PHACTR2: variants seen among roughly 807,000 people sequenced by gnomAD.
PHACTR2 encodes chromosome 6 open reading frame 56.
A neutral mutation model predicts 76.0 loss-of-function variants in PHACTR2; 30 were observed. That is an observed-to-expected ratio of 0.39 (90% CI 0.30 to 0.54). PHACTR2 has a LOEUF of 0.54. PHACTR2 is among the 20% of genes least tolerant of loss of function. The pLI, the probability that PHACTR2 is intolerant of heterozygous loss-of-function variation, is 0.61. For missense variants in PHACTR2, 696 were observed against 781.1 expected, an observed-to-expected ratio of 0.89 and a Z score of 1.30; for synonymous variants, 292 against 292.5, an observed-to-expected ratio of 1.00 and a Z score of 0.02.
chr6:143,554,910 C>T lies in PHACTR2; in HGVS notation c.217+17703C>T, dbSNP rs1349596134. On this transcript the variant is annotated intron_variant, in intron 1 of 11. Coordinates refer to the PHACTR2 transcript ENST00000367584. The surrounding 1 kb of genome is among the most constrained non-coding windows in gnomAD (Gnocchi z 5.9). ...TTCCTGTTGCATTATTTTCTTAACT[C>T]TTGGTGTGTTGAGTTGATAAATAAT... 6.6e-6 allele frequency: 1 copy of T among 151,972 alleles called. No homozygotes were observed. The highest frequency in any genetic ancestry group is 1.5e-5 in the Non-Finnish European group (1 of 68,018). The allele number at this position is 151,972 out of a possible 1,614,324, so 9.4% of individuals were successfully genotyped here. A position where few individuals can be genotyped will look rare whatever the true frequency, so the allele number is the denominator to read the frequency against.
Position 143,750,907 on chromosome 6 carries a change from G to A in PHACTR2, c.295+1842G>A, listed in dbSNP as rs902982720. 1.3e-5 allele frequency among the ~76,000 whole-genome samples: 2 copies of A among 152,106 alleles called. No individual in the cohort carries two copies. The highest frequency in any genetic ancestry group is 2.4e-5 in the African/African-American group (1 of 41,398). Reference sequence around the variant, plus strand: ...AGATTTTACTTTCCAGCTTTTCCATGGTCCCTATCTAGAACCGTAGAAATT... The same window carrying A: ...AGATTTTACTTTCCAGCTTTTCCATAGTCCCTATCTAGAACCGTAGAAATT... On this transcript the variant is annotated intron_variant, in intron 3 of 12. Coordinates refer to ENST00000440869, the MANE Select transcript of PHACTR2 (RefSeq NM_001100164.2). The surrounding 1 kb of genome is among the most constrained non-coding windows in gnomAD (Gnocchi z 4.6).
In PHACTR2 at chr6:143,712,446, C is replaced by T. The variant is rs1554221802; in HGVS notation, c.214+263C>T. On this transcript the variant is annotated intron_variant, in intron 2 of 12. Coordinates refer to ENST00000440869, the MANE Select transcript of PHACTR2 (RefSeq NM_001100164.2). ...TTATATAAAAAATGGATTGGTGAGGCGAGGGAGTGAAATAGTAGAAAATGA... is the reference window on the plus strand; with the variant it reads ...TTATATAAAAAATGGATTGGTGAGGTGAGGGAGTGAAATAGTAGAAAATGA... The T allele has an allele frequency of 3.2e-5, 5 of 158,636 alleles. 1 individual carries two copies. The highest frequency in any genetic ancestry group is 4.1e-4 in the South Asian group (2 of 4,868). The allele number at this position is 158,636 out of a possible 1,614,324, so 9.8% of individuals were successfully genotyped here. A position where few individuals can be genotyped will look rare whatever the true frequency, so the allele number is the denominator to read the frequency against.
At chr6:143,735,940 C>T (rs998075786) in intron 2 of PHACTR2, among the ~76,000 whole-genome samples, 3 of 152,060 alleles carry the variant, frequency 2.0e-5, no homozygotes, top group Admixed American at 6.5e-5. Flanking sequence ...TAGGATTAAA[C>T]TTAATATAGG....
chr6:143,683,325 A>T lies in PHACTR2; in HGVS notation c.46+5116A>T, dbSNP rs1777440766. ...GCCTGACTGCTTTAAACCAATGATT[A>T]TATGAATGAGAGGTATGTATTTTTT... On this transcript the variant is annotated intron_variant, in intron 1 of 12. Transcript: ENST00000440869. This position sits in a 1 kb window ranked among gnomAD's most constrained non-coding sequence, Gnocchi z 4.1. 1.3e-5 allele frequency among the ~76,000 whole-genome samples: 2 copies of T among 152,374 alleles called. No homozygotes were observed. The highest frequency in any genetic ancestry group is 3.4e-3 in the Middle Eastern group (1 of 294).
chr6:143,783,005 A>ATGTGTGTGTGTG lies in PHACTR2; in HGVS notation c.1646-194_1646-183dup, dbSNP rs144077213. 0.02 allele frequency among the ~76,000 whole-genome samples: 2,891 copies of ATGTGTGTGTGTG among 146,202 alleles called. 31 individuals carry two copies. Among genetic ancestry groups the ATGTGTGTGTGTG allele is most frequent in the Non-Finnish European group, 0.031 (2,026 of 66,400 alleles). ...AGCAAACCAGTCCTACAAAAAAAGC[A>ATGTGTGTGTGTG]TGTGTGTGTGTGTGTGTGTGTGTGT... On this transcript the variant is annotated intron_variant, in intron 9 of 12. Coordinates refer to ENST00000440869, the MANE Select transcript of PHACTR2 (RefSeq NM_001100164.2). The surrounding 1 kb of genome is among the most constrained non-coding windows in gnomAD (Gnocchi z 5.2).
intron 1 of PHACTR2, among the ~76,000 whole-genome samples, chr6:143,584,673 G>A (rs112045294): frequency 0.012 from 1,822 of 152,276 alleles, 42 homozygotes; most frequent in African/African-American, 0.042. Context: ...GAGCAAATGT[G>A]TATTGTCTAT....
chr6:143,758,430 A>C (rs1459062387), intron 4 of PHACTR2, among the ~76,000 whole-genome samples: 1 of 152,244 alleles, frequency 6.6e-6, no homozygotes, highest in Non-Finnish European at 1.5e-5. Context: ...AATAGACTTC[A>C]ACCATATGTC....
chr6:143,691,353 A>C (rs1777639073), intron 1 of PHACTR2, among the ~76,000 whole-genome samples: 2 of 152,192 alleles, frequency 1.3e-5, no homozygotes. Flanking sequence ...CAAAAGTTAC[A>C]AAATATCCAG....
At chr6:143,660,177 C>G (rs1019358413) in intron 1 of PHACTR2, among the ~76,000 whole-genome samples, 1 of 151,926 alleles carries the variant, frequency 6.6e-6, no homozygotes, top group African/African-American at 2.4e-5. Context: ...TCTCCTGGTA[C>G]CCACAGACCT....
In PHACTR2 at chr6:143,583,902, G is replaced by A. The variant is rs1290019014; in HGVS notation, c.217+46695G>A. Among the ~76,000 whole-genome samples, 3 of 152,206 alleles carry A rather than the reference G, an allele frequency of 2.0e-5. No homozygotes were observed. Among genetic ancestry groups the A allele is most frequent in the Admixed American group, 6.5e-5 (1 of 15,286 alleles). On this transcript the variant is annotated intron_variant, in intron 1 of 11. Coordinates refer to the PHACTR2 transcript ENST00000367584. The surrounding 1 kb of genome is among the most constrained non-coding windows in gnomAD (Gnocchi z 4.0). ...TCTGAGAGGTCTAGAGTGCTGGGAC[G>A]GTGTCTTATTTATCTCTACACTTTT...
chr6:143,687,113 T>C (rs1777543893), intron 1 of PHACTR2, among the ~76,000 whole-genome samples: 2 of 152,234 alleles, frequency 1.3e-5, no homozygotes, highest in East Asian at 3.8e-4. Flanking sequence ...AGAGAAAGAA[T>C]GTGAGCAAAA....
chr6:143,671,487 C>T lies in PHACTR2; in HGVS notation c.14-40529C>T, dbSNP rs565324601. Reference sequence around the variant, plus strand: ...TCTCAGTGAGGACAACTGTGAACACCACATGCCAGTCCAATCTCTCTTACT... The same window carrying T: ...TCTCAGTGAGGACAACTGTGAACACTACATGCCAGTCCAATCTCTCTTACT... On this transcript the variant is annotated intron_variant, in intron 1 of 11. Transcript: ENST00000305766. This position sits in a 1 kb window ranked among gnomAD's most constrained non-coding sequence, Gnocchi z 4.6. Among the ~76,000 whole-genome samples the T allele has an allele frequency of 1.3e-5, 2 of 152,278 alleles. No individual in the cohort carries two copies. The highest frequency in any genetic ancestry group is 4.8e-5 in the African/African-American group (2 of 41,550).
At chr6:143,609,962 G>A (rs1262660561) in intron 1 of PHACTR2, among the ~76,000 whole-genome samples, 1 of 152,130 alleles carries the variant, frequency 6.6e-6, no homozygotes, top group Non-Finnish European at 1.5e-5. Context: ...ATGAGTTTAA[G>A]ATTATTTAAA....
At chr6:143,721,670 T>C (rs1366306154) in intron 2 of PHACTR2, among the ~76,000 whole-genome samples, 2 of 152,166 alleles carry the variant, frequency 1.3e-5, no homozygotes, top group Non-Finnish European at 2.9e-5. Context: ...TGTGTGTGTG[T>C]GTGTATCTCC....
At position 143,558,733 on chromosome 6, in the gene PHACTR2, T is replaced by C. The variant is rs1259051315; in HGVS notation, c.217+21526T>C. Among the ~76,000 whole-genome samples, 1 of 152,214 alleles carries C rather than the reference T, an allele frequency of 6.6e-6. No individual in the cohort carries two copies. Among genetic ancestry groups the C allele is most frequent in the Non-Finnish European group, 1.5e-5 (1 of 68,038 alleles). On this transcript the variant is annotated intron_variant, in intron 1 of 11. Transcript: ENST00000367584. This position sits in a 1 kb window ranked among gnomAD's most constrained non-coding sequence, Gnocchi z 4.7. Reference sequence around the variant, plus strand: ...AGGAGGTAGAGATCGTTTTACAAAGTCGAGCTCATGCTCTTTGTTTCCCAA... The same window carrying C: ...AGGAGGTAGAGATCGTTTTACAAAGCCGAGCTCATGCTCTTTGTTTCCCAA...
At chr6:143,640,976 T>C (rs1776553356) in intron 1 of PHACTR2, among the ~76,000 whole-genome samples, 1 of 152,206 alleles carries the variant, frequency 6.6e-6, no homozygotes. Flanking sequence ...TTTATGCTTC[T>C]GTAACAGAAT....
Position 143,800,347 on chromosome 6 carries a change from C to T in PHACTR2, c.1846-6710C>T, listed in dbSNP as rs541944504. 1.5e-4 allele frequency among the ~76,000 whole-genome samples: 23 copies of T among 152,152 alleles called. No homozygotes were observed. Among genetic ancestry groups the T allele is most frequent in the Admixed American group, 5.9e-4 (9 of 15,272 alleles). Reference sequence around the variant, plus strand: ...TGCAATCTCCGCTCACAGCAAGCTCCGCCTCCCAGGGTCACCCTATTCTCC... The same window carrying T: ...TGCAATCTCCGCTCACAGCAAGCTCTGCCTCCCAGGGTCACCCTATTCTCC... On this transcript the variant is annotated intron_variant, in intron 11 of 12. Coordinates refer to ENST00000440869, the MANE Select transcript of PHACTR2 (RefSeq NM_001100164.2). This position sits in a 1 kb window ranked among gnomAD's most constrained non-coding sequence, Gnocchi z 4.8.
At position 143,704,095 on chromosome 6, in the gene PHACTR2, C is replaced by CTG. The variant is rs759683885; in HGVS notation, c.47-7894_47-7893dup. Among the ~76,000 whole-genome samples the CTG allele has an allele frequency of 4.0e-3, 582 of 144,150 alleles. 4 individuals are homozygous for CTG. The highest frequency in any genetic ancestry group is 0.029 in the East Asian group (141 of 4,866). 94.6% of individuals were successfully genotyped at this position (144,150 alleles called of 152,430 possible). A position where few individuals can be genotyped will look rare whatever the true frequency, so the allele number is the denominator to read the frequency against. ...ATCATGGGTGTGTGTGTGTGTGTGT[C>CTG]TGTGTGTGTGTGTGTGTGTGTGTGT... On this transcript the variant is annotated intron_variant, in intron 1 of 12. Transcript: ENST00000440869.
At position 143,538,546 on chromosome 6, in the gene PHACTR2, G is replaced by T. The variant is rs146690000; in HGVS notation, c.217+1339G>T. 4.9e-3 allele frequency among the ~76,000 whole-genome samples: 748 copies of T among 152,334 alleles called. 4 individuals are homozygous for T. Among genetic ancestry groups the T allele is most frequent in the Middle Eastern group, 0.01 (3 of 294 alleles). ...CCATAGCGGCAAAAGCCCTGCCGGG[G>T]CGTGAACGTGCACTGTACCAGCTAC... On this transcript the variant is annotated intron_variant, in intron 1 of 11. Coordinates refer to the PHACTR2 transcript ENST00000367584.
Sources: gnomAD v4.1 joint callset for allele counts (sites outside exome capture counted in the v4.1 genomes callset) on GRCh38, gnomAD v4.1.1 for gene constraint, Gnocchi (gnomAD v3.1) non-coding constraint, MANE v1.5 for transcripts, NCBI Gene and HGNC (gene_info 2026-07-23, HGNC 2026-07-21) for gene names.